Variants in LRRC72 observed in about 807,000 individuals in gnomAD.
LRRC72 encodes leucine rich repeat containing 72.
LRRC72 carries 41 observed loss-of-function variants against 35.8 expected under a neutral mutation model. That is an observed-to-expected ratio of 1.15 (90% CI 0.89 to 1.49). The LOEUF (loss-of-function observed/expected upper bound fraction) is 1.49, where lower values mean the gene tolerates loss of function less well. LRRC72 is among the 40% of genes most tolerant of loss of function. The pLI, the probability that LRRC72 is intolerant of heterozygous loss-of-function variation, is 0.00. For synonymous variants in LRRC72, 118 were observed against 119.2 expected (o/e 0.99, Z 0.07); for missense variants, 389 against 330.7 (o/e 1.18, Z -1.37).
chr7:16,542,252 G>C (rs1431198299), intron 3 of LRRC72, among the ~76,000 whole-genome samples: 1 of 152,144 alleles, frequency 6.6e-6, no homozygotes, highest in Non-Finnish European at 1.5e-5. Context: ...CTTAGAAAGG[G>C]ATCGCATGCA....
intron 3 of LRRC72, among the ~76,000 whole-genome samples, chr7:16,553,857 T>TA (rs759991023): frequency 6.6e-6 from 1 of 152,182 alleles, no homozygotes; most frequent in Non-Finnish European, 1.5e-5. Flanking sequence ...ACATTAAATA[T>TA]AAAAGCTCCC....
intron 3 of LRRC72, among the ~76,000 whole-genome samples, chr7:16,553,312 T>G (rs914536405): frequency 6.6e-6 from 1 of 152,138 alleles, no homozygotes; most frequent in Non-Finnish European, 1.5e-5. Flanking sequence ...GGTTTGGGAG[T>G]CAGATAGACT....
At chr7:16,570,735 G>A (rs1253762316) in intron 7 of LRRC72, among the ~76,000 whole-genome samples, 4 of 152,044 alleles carry the variant, frequency 2.6e-5, no homozygotes, top group Admixed American at 1.3e-4. Flanking sequence ...TATGAGAATC[G>A]CTTGAACCCA....
chr7:16,562,253 C>A (rs563999468), intron 5 of LRRC72, among the ~76,000 whole-genome samples: 2 of 152,174 alleles, frequency 1.3e-5, no homozygotes, highest in South Asian at 4.2e-4. Context: ...TTCCTCTTCC[C>A]TTCCCTCCTC....
chr7:16,561,692 A>C (rs566007051), intron 5 of LRRC72, among the ~76,000 whole-genome samples: 5 of 152,226 alleles, frequency 3.3e-5, no homozygotes, highest in Non-Finnish European at 7.3e-5. Context: ...TGCTATGTCC[A>C]ATTACAAAAA....
chr7:16,527,055 T>C lies in LRRC72; in HGVS notation c.90+13T>C, dbSNP rs1782082397. 1.3e-6 allele frequency: 2 copies of C among 1,536,310 alleles called. No homozygotes were observed. Among genetic ancestry groups the C allele is most frequent in the Non-Finnish European group, 8.7e-7 (1 of 1,146,072 alleles). Reference sequence around the variant, plus strand: ...GAGCAGTCGCCGGGTAAGCGGCACCTGCCTTCCCAAGCCATCAGCCCCTTT... The same window carrying C: ...GAGCAGTCGCCGGGTAAGCGGCACCCGCCTTCCCAAGCCATCAGCCCCTTT... On this transcript the variant is annotated intron_variant, in intron 1 of 8. Transcript: ENST00000401542.
intron 3 of LRRC72, among the ~76,000 whole-genome samples, chr7:16,554,571 T>C (rs1469952706): frequency 6.6e-6 from 1 of 152,180 alleles, no homozygotes; most frequent in Non-Finnish European, 1.5e-5. Context: ...TCTTCTGCCA[T>C]TGTATTTAAT....
chr7:16,528,355 A>G (rs1341663424), intron 1 of LRRC72, among the ~76,000 whole-genome samples: 1 of 150,764 alleles, frequency 6.6e-6, no homozygotes, highest in African/African-American at 2.4e-5. Flanking sequence ...TGAGTTCCAC[A>G]TTTACCCTTG....
At chr7:16,543,369 T>G (rs1782392512) in intron 3 of LRRC72, among the ~76,000 whole-genome samples, 1 of 152,238 alleles carries the variant, frequency 6.6e-6, no homozygotes, top group African/African-American at 2.4e-5. Context: ...TTAGCTACCC[T>G]CTATTTAGGA....
At chr7:16,541,718 C>T (rs1291312977) in intron 3 of LRRC72, among the ~76,000 whole-genome samples, 1 of 152,218 alleles carries the variant, frequency 6.6e-6, no homozygotes, top group Non-Finnish European at 1.5e-5. Flanking sequence ...TCAAGACCAG[C>T]CTGGCCAACA....
At chr7:16,566,463 T>C in intron 6 of LRRC72, 61 bp downstream of exon 6, 1 of 1,083,364 alleles carries the variant, frequency 9.2e-7, no homozygotes, top group East Asian at 2.8e-5. Flanking sequence ...CTCAGCGGTT[T>C]AAAAACGAAG....
intron 1 of LRRC72, among the ~76,000 whole-genome samples, chr7:16,531,663 C>A (rs905687576): frequency 1.3e-4 from 20 of 152,124 alleles, no homozygotes; most frequent in African/African-American, 4.6e-4. Flanking sequence ...ATACTTTTCA[C>A]TTTTGTCATG....
chr7:16,529,637 C>T (rs1006280609), intron 1 of LRRC72, among the ~76,000 whole-genome samples: 1 of 151,700 alleles, frequency 6.6e-6, no homozygotes, highest in South Asian at 2.1e-4. Context: ...TGTTTCTGGG[C>T]ACTTTGATAT....
intron 3 of LRRC72, among the ~76,000 whole-genome samples, chr7:16,547,514 C>A (rs1383199013): frequency 6.6e-6 from 1 of 152,136 alleles, no homozygotes; most frequent in Non-Finnish European, 1.5e-5. Context: ...CTGCTGTGGG[C>A]CCAGGCATCT....
At chr7:16,557,310 T>C (rs1332757516) in intron 3 of LRRC72, 50 bp from the exon 4 acceptor site, 2 of 522,882 alleles carry the variant, frequency 3.8e-6, no homozygotes, top group Non-Finnish European at 3.1e-6. Flanking sequence ...ATTGATGTAA[T>C]ATATACAGTT....
At position 16,564,753 on chromosome 7, in the gene LRRC72, T is replaced by C. The variant is rs543869428; in HGVS notation, c.428-1560T>C. ...TTTATTAGCCAGAAAAAGTTGTGTT[T>C]ATACAACAAATATCAGAATGCTTTA... On this transcript the variant is annotated intron_variant, in intron 5 of 8. Coordinates refer to ENST00000401542, the MANE Select transcript of LRRC72 (RefSeq NM_001195280.2). Among the ~76,000 whole-genome samples, 11 of 152,294 alleles carry C rather than the reference T, an allele frequency of 7.2e-5. No homozygotes were observed. The East Asian group carries it at 1.3e-3, about 19-fold the overall frequency.
At chr7:16,554,778 C>G (rs893605992) in intron 3 of LRRC72, among the ~76,000 whole-genome samples, 1 of 152,068 alleles carries the variant, frequency 6.6e-6, no homozygotes, top group Non-Finnish European at 1.5e-5. Context: ...TGTTAATGCT[C>G]GTGGGAAAAC....
chr7:16,544,712 T>G (rs1782414657), intron 3 of LRRC72, among the ~76,000 whole-genome samples: 1 of 152,246 alleles, frequency 6.6e-6, no homozygotes, highest in African/African-American at 2.4e-5. Context: ...TGTCCAATAA[T>G]GACTATGCAT....
intron 1 of LRRC72, among the ~76,000 whole-genome samples, chr7:16,528,997 A>G (rs76964181): frequency 0.087 from 13,172 of 152,238 alleles, 662 homozygotes; most frequent in East Asian, 0.15. Context: ...TACTTAGAAT[A>G]TATATTTCAT....
Sources: allele counts gnomAD v4.1 joint callset (sites outside exome capture counted in the v4.1 genomes callset), GRCh38; gene constraint gnomAD v4.1.1; transcripts MANE v1.5; gene names NCBI Gene and HGNC (gene_info 2026-07-23, HGNC 2026-07-21).